Variants in RAP1GDS1 observed in about 807,000 individuals in gnomAD.
RAP1GDS1 encodes RAP1, GTP-GDP dissociation stimulator 1.
RAP1GDS1 carries 35 observed loss-of-function variants against 71.1 expected under a neutral mutation model. That is an observed-to-expected ratio of 0.49 (90% CI 0.38 to 0.65). The LOEUF is 0.65. Among genes scored for constraint, RAP1GDS1 ranks in the 30% least tolerant of loss-of-function variants. The pLI is 0.00. For synonymous variants in RAP1GDS1, 229 were observed against 243.1 expected, an observed-to-expected ratio of 0.94 and a Z score of 0.54; for missense variants, 663 against 706.1, an observed-to-expected ratio of 0.94 and a Z score of 0.69.
At chr4:98,425,330 A>G (rs1160940950) in intron 12 of RAP1GDS1, among the ~76,000 whole-genome samples, 1 of 152,218 alleles carries the variant, frequency 6.6e-6, no homozygotes, top group Non-Finnish European at 1.5e-5. Flanking sequence ...CAATTAAAAA[A>G]AAAGTGGGGG....
At chr4:98,264,285 GTTT>G (rs1449410837) in intron 1 of RAP1GDS1, among the ~76,000 whole-genome samples, 1 of 151,956 alleles carries the variant, frequency 6.6e-6, no homozygotes, top group Non-Finnish European at 1.5e-5. Flanking sequence ...AATCCCAGCT[GTTT>G]GGGAGGCTGA....
chr4:98,408,177 C>T (rs1746438990), intron 7 of RAP1GDS1, among the ~76,000 whole-genome samples: 2 of 151,818 alleles, frequency 1.3e-5, no homozygotes, highest in South Asian at 2.1e-4. Context: ...GGCACCATCT[C>T]GGCTCACTGC....
intron 4 of RAP1GDS1, among the ~76,000 whole-genome samples, chr4:98,366,964 A>G (rs1032324839): frequency 1.3e-5 from 2 of 152,210 alleles, no homozygotes; most frequent in East Asian, 1.9e-4. Context: ...GAGAATTTCA[A>G]GCCATCTGCA....
intron 2 of RAP1GDS1, among the ~76,000 whole-genome samples, chr4:98,331,923 A>C (rs868063632): frequency 1.3e-5 from 2 of 152,200 alleles, no homozygotes; most frequent in Admixed American, 6.5e-5. Context: ...GTAATAATCA[A>C]AAGACTTCAA....
At chr4:98,416,983 A>G in intron 8 of RAP1GDS1, 95 bp downstream of exon 8, 6 of 1,367,712 alleles carry the variant, frequency 4.4e-6, no homozygotes, top group South Asian at 1.4e-5. Context: ...ACATTTTCTC[A>G]TATTCCTATC....
chr4:98,370,968 C>T (rs1211009609), intron 4 of RAP1GDS1, among the ~76,000 whole-genome samples: 1 of 152,124 alleles, frequency 6.6e-6, no homozygotes, highest in African/African-American at 2.4e-5. Flanking sequence ...GTCTACTGTA[C>T]CTGACACAAA....
rs577338104 is a variant in RAP1GDS1 at position 98,355,687 on chromosome 4, A to G, written c.361+3086A>G. On this transcript the variant is annotated intron_variant, in intron 4 of 14. Transcript: ENST00000408927. ...AAGGAGGTGAGCTCCAACTGTAGAA[A>G]GAATTACCATAAAATCCGTGGAAAT... is the stretch of plus-strand genomic sequence containing the variant. Among the ~76,000 whole-genome samples the G allele has an allele frequency of 1.8e-4, 28 of 152,344 alleles. No individual in the cohort carries two copies. In the South Asian group the frequency reaches 2.3e-3, roughly 12 times the overall value.
At chr4:98,297,679 C>A (rs1029273814) in intron 2 of RAP1GDS1, among the ~76,000 whole-genome samples, 1 of 152,132 alleles carries the variant, frequency 6.6e-6, no homozygotes, top group African/African-American at 2.4e-5. Context: ...CCCCTACTCC[C>A]CATCTCTATT....
chr4:98,348,731 T>G (rs1228436774), intron 3 of RAP1GDS1, among the ~76,000 whole-genome samples: 1 of 152,216 alleles, frequency 6.6e-6, no homozygotes, highest in Non-Finnish European at 1.5e-5. Context: ...TGATGAGCAT[T>G]TTTTCATGTG....
intron 2 of RAP1GDS1, among the ~76,000 whole-genome samples, chr4:98,309,487 T>C (rs139652689): frequency 2.0e-3 from 302 of 151,952 alleles, no homozygotes; most frequent in African/African-American, 7.2e-3. Context: ...TGACCAAATG[T>C]AAAATTGTTG....
chr4:98,408,169 C>T (rs1175311872), intron 7 of RAP1GDS1, among the ~76,000 whole-genome samples: 1 of 151,952 alleles, frequency 6.6e-6, no homozygotes, highest in South Asian at 2.1e-4. Context: ...AGTGCAGTGG[C>T]ACCATCTCGG....
chr4:98,383,393 A>G (rs3775540), intron 5 of RAP1GDS1, among the ~76,000 whole-genome samples: 17,552 of 151,404 alleles, frequency 0.12, 1,121 homozygotes, highest in East Asian at 0.21. Context: ...CATCTGACCT[A>G]TATTTTATAT....
At chr4:98,298,587 A>C (rs1369255934) in intron 2 of RAP1GDS1, among the ~76,000 whole-genome samples, 1 of 152,198 alleles carries the variant, frequency 6.6e-6, no homozygotes, top group Admixed American at 6.5e-5. Context: ...GGTTTACTGA[A>C]TGTTTTAAGC....
intron 3 of RAP1GDS1, among the ~76,000 whole-genome samples, chr4:98,343,547 C>G (rs1735797702): frequency 6.6e-6 from 1 of 152,128 alleles, no homozygotes; most frequent in African/African-American, 2.4e-5. Flanking sequence ...GATTCTTGAA[C>G]TTGCCACTGA....
intron 7 of RAP1GDS1, among the ~76,000 whole-genome samples, chr4:98,408,325 G>GT (rs1400054180): frequency 6.6e-6 from 1 of 151,958 alleles, no homozygotes; most frequent in African/African-American, 2.4e-5. Flanking sequence ...TAGACACGGG[G>GT]TTTCACCATG....
At chr4:98,398,475 A>C (rs1744881636) in intron 6 of RAP1GDS1, among the ~76,000 whole-genome samples, 1 of 152,146 alleles carries the variant, frequency 6.6e-6, no homozygotes, top group Non-Finnish European at 1.5e-5. Context: ...TCTAGAGAGG[A>C]TGGGGGAAGT....
At chr4:98,296,404 T>C (rs1189797854) in intron 2 of RAP1GDS1, among the ~76,000 whole-genome samples, 1 of 152,100 alleles carries the variant, frequency 6.6e-6, no homozygotes, top group Non-Finnish European at 1.5e-5. Context: ...TTTTTACCAT[T>C]GGCAGTATTT....
At chr4:98,277,896 T>C (rs1028745372) in intron 1 of RAP1GDS1, among the ~76,000 whole-genome samples, 4 of 152,168 alleles carry the variant, frequency 2.6e-5, no homozygotes, top group South Asian at 2.1e-4. Flanking sequence ...ATTTTAGAAA[T>C]TGGAATTAAC....
chr4:98,338,238 T>G (rs1298128901), intron 2 of RAP1GDS1, among the ~76,000 whole-genome samples: 1 of 152,166 alleles, frequency 6.6e-6, no homozygotes, highest in African/African-American at 2.4e-5. Flanking sequence ...CTGGCTTAAA[T>G]GGGTTTCCTA....
Sources: allele counts gnomAD v4.1 joint callset (sites outside exome capture counted in the v4.1 genomes callset), GRCh38; gene constraint gnomAD v4.1.1; transcripts MANE v1.5; gene names NCBI Gene and HGNC (gene_info 2026-07-23, HGNC 2026-07-21).